Variants in ALK observed in about 807,000 individuals in gnomAD.
ALK encodes ALK tyrosine kinase receptor.
In ALK, 74 loss-of-function variants were observed where a neutral mutation model predicts 163.1. The ratio of observed to expected loss-of-function variants is 0.45; its 90% CI spans 0.38 to 0.55. The LOEUF (loss-of-function observed/expected upper bound fraction) is 0.55, where lower values mean the gene tolerates loss of function less well. Among genes scored for constraint, ALK ranks in the 20% least tolerant of loss-of-function variants. The pLI, the probability that ALK is intolerant of heterozygous loss-of-function variation, is 0.00. For missense variants in ALK, 2,063 were observed against 2,105.3 expected, an observed-to-expected ratio of 0.98 and a Z score of 0.39; for synonymous variants, 960 against 843.2, an observed-to-expected ratio of 1.14 and a Z score of -2.40.
At chr2:29,457,801 C>T (rs978573764) in intron 4 of ALK, among the ~76,000 whole-genome samples, 4 of 152,102 alleles carry the variant, frequency 2.6e-5, no homozygotes, top group African/African-American at 4.8e-5. Context: ...CCTTTGATGT[C>T]GGTATTATGA....
At chr2:29,671,683 C>T (rs953366113) in intron 3 of ALK, among the ~76,000 whole-genome samples, 3 of 151,900 alleles carry the variant, frequency 2.0e-5, no homozygotes, top group Non-Finnish European at 4.4e-5. Context: ...TCTGATTCTC[C>T]TACTACTTGC....
chr2:29,729,386 C>T (rs531064315), intron 1 of ALK, among the ~76,000 whole-genome samples: 8 of 152,158 alleles, frequency 5.3e-5, no homozygotes, highest in Admixed American at 1.3e-4. Context: ...GGCAAGGAGA[C>T]GCCTATTAAG....
At chr2:29,230,240 G>A (rs995302640) in intron 15 of ALK, among the ~76,000 whole-genome samples, 3 of 150,724 alleles carry the variant, frequency 2.0e-5, no homozygotes, top group Non-Finnish European at 4.4e-5. Flanking sequence ...AATAGTTATT[G>A]TATTATTTAG....
At chr2:29,586,548 A>AT (rs1674893996) in intron 3 of ALK, among the ~76,000 whole-genome samples, 1 of 152,206 alleles carries the variant, frequency 6.6e-6, no homozygotes, top group Non-Finnish European at 1.5e-5. Context: ...TTGCAGGCTC[A>AT]AGGCCTAGGC....
chr2:29,734,877 G>A (rs995220474), intron 1 of ALK, among the ~76,000 whole-genome samples: 1 of 152,004 alleles, frequency 6.6e-6, no homozygotes, highest in African/African-American at 2.4e-5. Flanking sequence ...AAATAATTAT[G>A]CTCAGCACTG....
At chr2:29,295,977 G>T (rs1200509364) in intron 9 of ALK, among the ~76,000 whole-genome samples, 1 of 152,198 alleles carries the variant, frequency 6.6e-6, no homozygotes, top group Non-Finnish European at 1.5e-5. Flanking sequence ...TGATACGGCA[G>T]GGTCACATGA....
chr2:29,354,920 C>T (rs1196944215), intron 5 of ALK, among the ~76,000 whole-genome samples: 1 of 152,128 alleles, frequency 6.6e-6, no homozygotes, highest in Non-Finnish European at 1.5e-5. Flanking sequence ...GTGCCTGCCA[C>T]CGCGCCTGGC....
At chr2:29,539,242 A>G (rs1016304426) in intron 3 of ALK, among the ~76,000 whole-genome samples, 17 of 152,230 alleles carry the variant, frequency 1.1e-4, no homozygotes, top group Non-Finnish European at 2.1e-4. Context: ...TATAGATCCA[A>G]GAATGCATTC....
chr2:29,591,892 T>A (rs1006919485), intron 3 of ALK, among the ~76,000 whole-genome samples: 1 of 151,854 alleles, frequency 6.6e-6, no homozygotes, highest in Non-Finnish European at 1.5e-5. Context: ...CCTGAGTTCA[T>A]TCTGGGTTTT....
intron 3 of ALK, among the ~76,000 whole-genome samples, chr2:29,634,178 A>G (rs1176116007): frequency 6.0e-5 from 9 of 151,156 alleles, no homozygotes; most frequent in African/African-American, 1.5e-4. Context: ...AGCTCACTGC[A>G]CCCTCTGCCT....
intron 4 of ALK, among the ~76,000 whole-genome samples, chr2:29,478,983 G>A (rs1049732350): frequency 6.6e-6 from 1 of 152,190 alleles, no homozygotes; most frequent in Admixed American, 6.5e-5. Flanking sequence ...CTAGACCTAA[G>A]TGAATGCCGT....
chr2:29,667,741 T>G (rs1038333610), intron 3 of ALK, among the ~76,000 whole-genome samples: 10 of 152,148 alleles, frequency 6.6e-5, no homozygotes, highest in South Asian at 2.1e-4. Flanking sequence ...GATATTTGCC[T>G]GTAGTTCTCT....
chr2:29,789,053 G>GTGTGTGTGTGTC (rs1283319324), intron 1 of ALK, among the ~76,000 whole-genome samples: 2 of 149,980 alleles, frequency 1.3e-5, no homozygotes, highest in Non-Finnish European at 2.9e-5. Context: ...GTGTGTGTGT[G>GTGTGTGTGTGTC]TGTCTGTATG....
intron 3 of ALK, among the ~76,000 whole-genome samples, chr2:29,678,726 A>G (rs1189705119): frequency 1.3e-5 from 2 of 151,530 alleles, no homozygotes; most frequent in African/African-American, 4.8e-5. Flanking sequence ...TTTTACTTAT[A>G]TAATACTGAT....
intron 5 of ALK, among the ~76,000 whole-genome samples, chr2:29,382,116 T>TC (rs1415664038): frequency 6.6e-6 from 1 of 152,080 alleles, no homozygotes; most frequent in Middle Eastern, 3.2e-3. Flanking sequence ...CATGAGAACT[T>TC]CCCCAGGTAT....
intron 8 of ALK, among the ~76,000 whole-genome samples, chr2:29,304,493 TAAAAAAA>T (rs70958256): frequency 1.7e-4 from 21 of 125,432 alleles, no homozygotes; most frequent in African/African-American, 6.1e-4. Context: ...AGACTGTGTC[TAAAAAAA>T]AAAAAAAAAA....
At chr2:29,257,122 T>C (rs371225810) in intron 11 of ALK, among the ~76,000 whole-genome samples, 1 of 151,962 alleles carries the variant, frequency 6.6e-6, no homozygotes, top group Non-Finnish European at 1.5e-5. Context: ...TATGGAGCTG[T>C]AGGATGATCA....
intron 1 of ALK, among the ~76,000 whole-genome samples, chr2:29,725,155 A>C (rs373873271): frequency 8.6e-5 from 1 of 11,666 alleles, no homozygotes; most frequent in African/African-American, 4.9e-4. Flanking sequence ...ATCCTATACC[A>C]AAAAAAAAAA....
At chr2:29,545,724 C>A (rs1387216770) in intron 3 of ALK, among the ~76,000 whole-genome samples, 1 of 152,182 alleles carries the variant, frequency 6.6e-6, no homozygotes, top group Non-Finnish European at 1.5e-5. Context: ...TGCTTTTCTG[C>A]ACCTTCATTC....
Sources: gnomAD v4.1 joint callset for allele counts (sites outside exome capture counted in the v4.1 genomes callset) on GRCh38, gnomAD v4.1.1 for gene constraint, MANE v1.5 for transcripts, NCBI Gene and HGNC (gene_info 2026-07-23, HGNC 2026-07-21) for gene names.